ELMO1: variants seen among roughly 807,000 people sequenced by gnomAD.
ELMO1 encodes engulfment and cell motility protein 1.
In ELMO1, 26 loss-of-function variants were observed where a neutral mutation model predicts 98.9. The observed-to-expected ratio is 0.26, with a 90% confidence interval of 0.19 to 0.36. The LOEUF is 0.36. Ranked by LOEUF, ELMO1 falls within the 10% of genes least tolerant of loss-of-function variation. The pLI, the probability that ELMO1 is intolerant of heterozygous loss-of-function variation, is 1.00. For synonymous variants in ELMO1, 346 were observed against 346.0 expected, an observed-to-expected ratio of 1.00 and a Z score of 0.00; for missense variants, 627 against 935.2, an observed-to-expected ratio of 0.67 and a Z score of 4.30.
At chr7:37,025,842 T>C (rs1438802540) in intron 15 of ELMO1, among the ~76,000 whole-genome samples, 1 of 150,886 alleles carries the variant, frequency 6.6e-6, no homozygotes, top group Non-Finnish European at 1.5e-5. Flanking sequence ...ATATTCTATA[T>C]ATACATGAGA....
At chr7:37,238,742 T>G (rs1010967815) in intron 7 of ELMO1, among the ~76,000 whole-genome samples, 6 of 152,190 alleles carry the variant, frequency 3.9e-5, no homozygotes, top group African/African-American at 1.4e-4. Context: ...GCTGAGAATT[T>G]TTATTATTAA....
chr7:37,227,370 TCA>T (rs1327672043), intron 8 of ELMO1, among the ~76,000 whole-genome samples: 1 of 152,166 alleles, frequency 6.6e-6, no homozygotes, highest in Non-Finnish European at 1.5e-5. Flanking sequence ...ATCAGAACTC[TCA>T]GTGTTTTCTT....
chr7:37,292,828 G>A (rs1269583405), intron 4 of ELMO1, among the ~76,000 whole-genome samples: 3 of 112,872 alleles, frequency 2.7e-5, no homozygotes, highest in African/African-American at 6.3e-5. Flanking sequence ...CGCCCTGTCC[G>A]GGAGGTGAGG....
chr7:37,192,754 C>T (rs1309720260), intron 13 of ELMO1, among the ~76,000 whole-genome samples: 2 of 141,358 alleles, frequency 1.4e-5, no homozygotes, highest in Non-Finnish European at 3.0e-5. Context: ...GCCAGGATTG[C>T]ACCACCGCAC....
chr7:37,095,794 G>A (rs1784338967), intron 15 of ELMO1, among the ~76,000 whole-genome samples: 1 of 152,122 alleles, frequency 6.6e-6, no homozygotes, highest in East Asian at 1.9e-4. Flanking sequence ...GAATATTTAT[G>A]TTTTCACAGT....
intron 15 of ELMO1, among the ~76,000 whole-genome samples, chr7:37,087,589 C>A (rs1463561812): frequency 1.3e-5 from 2 of 152,080 alleles, no homozygotes; most frequent in Non-Finnish European, 2.9e-5. Context: ...AGATGGAGCA[C>A]TGACCTGTTT....
chr7:37,106,630 TC>T (rs1379175425), intron 14 of ELMO1, among the ~76,000 whole-genome samples: 1 of 151,912 alleles, frequency 6.6e-6, no homozygotes, highest in Admixed American at 6.5e-5. Context: ...TTGAAATGGC[TC>T]AGGATGACAG....
chr7:37,142,883 C>T (rs546028482), intron 13 of ELMO1, among the ~76,000 whole-genome samples: 1 of 152,274 alleles, frequency 6.6e-6, no homozygotes, highest in East Asian at 1.9e-4. Context: ...GTTAGTGAAG[C>T]TGATGGAGGA....
intron 5 of ELMO1, chr7:37,269,617 G>C (rs1041684815): frequency 1.3e-5 from 2 of 152,054 alleles, no homozygotes; most frequent in Non-Finnish European, 2.9e-5. Context: ...AATTTTTTTT[G>C]TATTTTTAGT....
At chr7:37,298,304 GTT>G (rs11355652) in intron 4 of ELMO1, among the ~76,000 whole-genome samples, 20 of 126,470 alleles carry the variant, frequency 1.6e-4, no homozygotes, top group East Asian at 1.4e-3. Flanking sequence ...TTTTTTAAGA[GTT>G]TTTTTTTTTA....
intron 13 of ELMO1, among the ~76,000 whole-genome samples, chr7:37,167,662 T>C (rs1191934616): frequency 6.6e-6 from 1 of 152,294 alleles, no homozygotes; most frequent in African/African-American, 2.4e-5. Context: ...TGTTGAATAT[T>C]GGCTCCCACT....
At chr7:37,247,635 T>C (rs958560720) in intron 6 of ELMO1, among the ~76,000 whole-genome samples, 5 of 152,234 alleles carry the variant, frequency 3.3e-5, no homozygotes, top group African/African-American at 1.2e-4. Context: ...CAGGGTATTC[T>C]ATAAAATGGC....
intron 7 of ELMO1, among the ~76,000 whole-genome samples, chr7:37,240,128 T>C (rs1794684016): frequency 6.8e-6 from 1 of 148,054 alleles, no homozygotes; most frequent in African/African-American, 2.5e-5. Flanking sequence ...AACCTCCACC[T>C]CCCTAGCTCA....
At chr7:36,927,695 C>A (rs1206598620) in intron 16 of ELMO1, among the ~76,000 whole-genome samples, 2 of 152,200 alleles carry the variant, frequency 1.3e-5, no homozygotes, top group Non-Finnish European at 2.9e-5. Flanking sequence ...CAGTCCCAGA[C>A]TATTTTGTTT....
At chr7:37,360,048 G>A (rs531051714) in intron 1 of ELMO1, among the ~76,000 whole-genome samples, 14 of 152,230 alleles carry the variant, frequency 9.2e-5, no homozygotes, top group South Asian at 6.2e-4. Context: ...CATAATTTCC[G>A]TTCTGGTAAA....
intron 16 of ELMO1, among the ~76,000 whole-genome samples, chr7:36,994,546 G>A (rs148507351): frequency 3.2e-4 from 49 of 152,316 alleles, no homozygotes; most frequent in African/African-American, 1.1e-3. Context: ...ATCCAGCATC[G>A]TAGGTACAGC....
At chr7:37,129,392 A>G (rs1400799079) in intron 14 of ELMO1, among the ~76,000 whole-genome samples, 1 of 152,246 alleles carries the variant, frequency 6.6e-6, no homozygotes, top group African/African-American at 2.4e-5. Context: ...AAGGAGTTAG[A>G]ATATAGATTG....
chr7:36,983,587 T>C (rs1791251128), intron 16 of ELMO1, among the ~76,000 whole-genome samples: 1 of 152,174 alleles, frequency 6.6e-6, no homozygotes. Context: ...GGCGACTAAA[T>C]TTCCTCATCT....
At chr7:37,120,825 T>C (rs1005734221) in intron 14 of ELMO1, among the ~76,000 whole-genome samples, 2 of 152,112 alleles carry the variant, frequency 1.3e-5, no homozygotes, top group Non-Finnish European at 2.9e-5. Flanking sequence ...ACAGACTGCC[T>C]CCTCAAGTGG....
Sources: allele counts gnomAD v4.1 joint callset (sites outside exome capture counted in the v4.1 genomes callset), GRCh38; gene constraint gnomAD v4.1.1; transcripts MANE v1.5; gene names NCBI Gene and HGNC (gene_info 2026-07-23, HGNC 2026-07-21).